Variants in SORCS2 observed in about 807,000 individuals in gnomAD.
The protein encoded by SORCS2 is sortilin related VPS10 domain containing receptor 2.
Under a neutral mutation model 141.6 loss-of-function variants are expected in SORCS2, and 100 were observed. The ratio of observed to expected loss-of-function variants is 0.71; its 90% CI spans 0.60 to 0.83. The LOEUF (loss-of-function observed/expected upper bound fraction) is 0.83, where lower values mean the gene tolerates loss of function less well. Ranked by LOEUF, SORCS2 falls within the 40% of genes least tolerant of loss-of-function variation. The probability of loss-of-function intolerance (pLI) is 0.00; values close to 1 mark genes in which losing one functional copy is unlikely to be tolerated. For synonymous variants in SORCS2, 789 were observed against 676.9 expected (o/e 1.17, Z -2.57); for missense variants, 1,646 against 1,560.2 (o/e 1.05, Z -0.93).
chr4:7,423,398 G>A (rs971971025), intron 2 of SORCS2, among the ~76,000 whole-genome samples: 1 of 152,156 alleles, frequency 6.6e-6, no homozygotes, highest in Non-Finnish European at 1.5e-5. Context: ...GCTCTCCTGT[G>A]GTGTGGAAAG....
chr4:7,632,595 C>T (rs946757425), intron 3 of SORCS2, among the ~76,000 whole-genome samples: 4 of 152,226 alleles, frequency 2.6e-5, no homozygotes, highest in African/African-American at 7.2e-5. Context: ...CTCCTCTCGC[C>T]TCCGTGTCAC....
At chr4:7,519,148 G>A (rs750224166) in intron 2 of SORCS2, among the ~76,000 whole-genome samples, 13 of 152,188 alleles carry the variant, frequency 8.5e-5, no homozygotes, top group Admixed American at 2.0e-4. Context: ...GGTTGACAAG[G>A]CTCTGCATGC....
intron 1 of SORCS2, among the ~76,000 whole-genome samples, chr4:7,385,937 C>T (rs1272391096): frequency 1.3e-5 from 2 of 152,180 alleles, no homozygotes; most frequent in Admixed American, 6.5e-5. Context: ...CTGTGTGTAC[C>T]AGCCCCACTG....
chr4:7,710,379 C>T (rs1333428128), intron 14 of SORCS2, among the ~76,000 whole-genome samples: 1 of 152,178 alleles, frequency 6.6e-6, no homozygotes, highest in South Asian at 2.1e-4. Context: ...AAGGTCACGC[C>T]TGGGCCCGGC....
chr4:7,441,318 G>A (rs1209487521), intron 2 of SORCS2, among the ~76,000 whole-genome samples: 2 of 152,168 alleles, frequency 1.3e-5, no homozygotes, highest in African/African-American at 4.8e-5. Context: ...GGTCGGGGCT[G>A]CTTCCAGGTG....
intron 3 of SORCS2, among the ~76,000 whole-genome samples, chr4:7,593,835 A>G (rs1717077622): frequency 6.6e-6 from 1 of 152,192 alleles, no homozygotes; most frequent in African/African-American, 2.4e-5. Context: ...TAAACTCATC[A>G]ACTCCGGCGA....
intron 3 of SORCS2, among the ~76,000 whole-genome samples, chr4:7,635,268 G>A (rs1353084174): frequency 1.3e-5 from 2 of 152,134 alleles, no homozygotes; most frequent in Non-Finnish European, 2.9e-5. Context: ...TCAAACACTC[G>A]GCTCCTGACC....
chr4:7,481,527 T>A (rs550031198), intron 2 of SORCS2, among the ~76,000 whole-genome samples: 1 of 151,630 alleles, frequency 6.6e-6, no homozygotes, highest in African/African-American at 2.4e-5. Context: ...CTCTGGAGAG[T>A]TTGGAGAGGT....
At chr4:7,322,000 C>G (rs889291588) in intron 1 of SORCS2, among the ~76,000 whole-genome samples, 2 of 152,202 alleles carry the variant, frequency 1.3e-5, no homozygotes, top group Non-Finnish European at 1.5e-5. Context: ...GCAGCTGGGG[C>G]TGGTTGACTT....
intron 1 of SORCS2, among the ~76,000 whole-genome samples, chr4:7,197,116 T>C (rs773870659): frequency 6.6e-6 from 1 of 152,204 alleles, no homozygotes; most frequent in Non-Finnish European, 1.5e-5. Context: ...CTGCGGCCTC[T>C]CTCCTGGGCT....
intron 26 of SORCS2, among the ~76,000 whole-genome samples, chr4:7,737,948 C>T (rs1457430560): frequency 3.9e-5 from 6 of 152,228 alleles, no homozygotes; most frequent in Non-Finnish European, 7.3e-5. Flanking sequence ...TGCACATGGT[C>T]TCGCTGTGTG....
Position 7,295,492 on chromosome 4 carries a change from T to G in SORCS2, c.481-100796T>G, listed in dbSNP as rs367674209. 3.3e-5 allele frequency among the ~76,000 whole-genome samples: 5 copies of G among 152,178 alleles called. No homozygotes were observed. In the East Asian group the frequency reaches 7.8e-4, roughly 24 times the overall value. ...GGGAGATGGGGCCGGCAGTGGAGCC[T>G]GGCCGTTGGCTCGAGCCGCCCAGCC... is the stretch of plus-strand genomic sequence containing the variant. On this transcript the variant is annotated intron_variant, in intron 1 of 26. Transcript: ENST00000507866.
chr4:7,398,893 G>C (rs375896936), intron 2 of SORCS2, among the ~76,000 whole-genome samples: 1 of 152,164 alleles, frequency 6.6e-6, no homozygotes, highest in Non-Finnish European at 1.5e-5. Context: ...CAGGGAGTGT[G>C]AATGGATTTA....
At chr4:7,528,233 G>T (rs1421693167) in intron 2 of SORCS2, among the ~76,000 whole-genome samples, 2 of 152,168 alleles carry the variant, frequency 1.3e-5, no homozygotes, top group South Asian at 4.1e-4. Context: ...TAGGCCCGTA[G>T]TATGGGCCTT....
intron 1 of SORCS2, among the ~76,000 whole-genome samples, chr4:7,298,478 C>G (rs972554044): frequency 6.6e-6 from 1 of 152,194 alleles, no homozygotes; most frequent in African/African-American, 2.4e-5. Context: ...GGCCTCTGAT[C>G]GGTCAGCGAC....
chr4:7,642,691 A>G (rs1383438400), intron 4 of SORCS2, among the ~76,000 whole-genome samples: 1 of 152,200 alleles, frequency 6.6e-6, no homozygotes, highest in Non-Finnish European at 1.5e-5. Context: ...TCAATGGCTT[A>G]CAGAAACAAG....
At chr4:7,428,102 A>G (rs1262546087) in intron 2 of SORCS2, among the ~76,000 whole-genome samples, 2 of 152,088 alleles carry the variant, frequency 1.3e-5, no homozygotes, top group South Asian at 2.1e-4. Flanking sequence ...GGTGGGGCCC[A>G]TCTGCCCGTG....
At chr4:7,365,374 C>T (rs577469039) in intron 1 of SORCS2, among the ~76,000 whole-genome samples, 3 of 151,708 alleles carry the variant, frequency 2.0e-5, no homozygotes, top group Non-Finnish European at 4.4e-5. Flanking sequence ...GGGTGTGTGG[C>T]GAGGAGGACC....
chr4:7,510,166 G>A (rs187671619), intron 2 of SORCS2, among the ~76,000 whole-genome samples: 7 of 152,320 alleles, frequency 4.6e-5, no homozygotes, highest in South Asian at 2.1e-4. Context: ...TTGCTGCCTC[G>A]GCAGTCCCAG....
Sources: gnomAD v4.1 joint callset for allele counts (sites outside exome capture counted in the v4.1 genomes callset) on GRCh38, gnomAD v4.1.1 for gene constraint, MANE v1.5 for transcripts, NCBI Gene and HGNC (gene_info 2026-07-23, HGNC 2026-07-21) for gene names.